The following CCR6 variants were observed in gnomAD, a reference collection of about 807,000 sequenced individuals.
CCR6 encodes the protein C-C chemokine receptor type 6.
Under a neutral mutation model 3.0 loss-of-function variants are expected in CCR6, and 2 were observed. The observed-to-expected ratio is 0.66, with a 90% CI of 0.27 to 2.07. CCR6 has a LOEUF of 2.07. Among genes scored for constraint, CCR6 ranks in the 30% most tolerant of loss-of-function variants. The pLI is 0.14. For synonymous variants in CCR6, 193 were observed against 184.3 expected (o/e 1.05, Z -0.38); for missense variants, 322 against 462.8 (o/e 0.70, Z 2.79).
intron 1 of CCR6, among the ~76,000 whole-genome samples, chr6:167,125,365 T>A (rs2345784): frequency 1 from 151,966 of 152,396 alleles, 75,770 homozygotes; most frequent in Middle Eastern, 1. Flanking sequence ...AAAGGGATGA[T>A]CAATGGCAGT....
Position 167,136,934 on chromosome 6 carries a change from C to T in CCR6, c.704C>T (p.Thr235Met), listed in dbSNP as rs1781858690. 8.7e-6 allele frequency: 14 copies of T among 1,614,046 alleles called. No homozygotes were observed. Among genetic ancestry groups the T allele is most frequent in the African/African-American group, 2.7e-5 (2 of 74,910 alleles). The part of the protein sequence containing the change: ...IPLMFMIFCY[T>M]FIVKTLVQAQ... The stretch of plus-strand genomic sequence containing the variant: ...TTGATGTTCATGATATTTTGTTACA[C>T]GTTCATTGTCAAAACCTTGGTGCAA... The change falls in exon 3 of 3, where the codon ACG becomes ATG. Residue 235 changes from threonine (T) to methionine (M), a missense_variant. Physicochemically the swap from Thr to Met is moderately conservative, Grantham distance 81. Transcript: ENST00000341935. This position sits in a 1 kb window ranked among gnomAD's most constrained non-coding sequence, Gnocchi z 4.6.
At chr6:167,130,944 C>A (rs1217803319) in intron 1 of CCR6, among the ~76,000 whole-genome samples, 2 of 150,014 alleles carry the variant, frequency 1.3e-5, no homozygotes, top group African/African-American at 2.4e-5. Flanking sequence ...CCTCTGGGCC[C>A]CCCTCCCTCC....
At chr6:167,127,155 T>A (rs1781679551) in intron 1 of CCR6, 1 of 152,290 alleles carries the variant, frequency 6.6e-6, no homozygotes, top group Non-Finnish European at 1.5e-5. Context: ...CTACCTTTTT[T>A]AAAGAGATGA....
chr6:167,119,702 A>G (rs1196322578), upstream of CCR6, among the ~76,000 whole-genome samples: 1 of 152,240 alleles, frequency 6.6e-6, no homozygotes, highest in African/African-American at 2.4e-5. Flanking sequence ...TTCCTCCTAT[A>G]AAATGTGTTT....
chr6:167,120,664 G>C (rs1382955250), upstream of CCR6, among the ~76,000 whole-genome samples: 1 of 152,214 alleles, frequency 6.6e-6, no homozygotes, highest in Non-Finnish European at 1.5e-5. Flanking sequence ...TTACCAAACT[G>C]TCCCTGGCTT....
At chr6:167,134,654 G>A (rs896463909) in intron 1 of CCR6, among the ~76,000 whole-genome samples, 2 of 152,196 alleles carry the variant, frequency 1.3e-5, no homozygotes, top group Non-Finnish European at 2.9e-5. Context: ...CAGTGTGGGG[G>A]CGAGGAGGGC....
chr6:167,124,275 A>T (rs532667336), intron 1 of CCR6, among the ~76,000 whole-genome samples: 3 of 152,026 alleles, frequency 2.0e-5, no homozygotes, highest in African/African-American at 4.8e-5. Flanking sequence ...GAAAAAAAAA[A>T]AAAACCAACC....
In CCR6 at chr6:167,136,340, C is replaced by G; in HGVS notation, c.110C>G (p.Ser37Cys). The change falls in exon 3 of 3, where the codon TCC (serine) becomes TGC (cysteine). Residue 37 changes from serine to cysteine, a missense_variant. Ser to Cys is a moderately radical substitution (Grantham distance 112, BLOSUM62 -1). Coordinates refer to ENST00000341935, the MANE Select transcript of CCR6 (RefSeq NM_031409.4). This position sits in a 1 kb window ranked among gnomAD's most constrained non-coding sequence, Gnocchi z 4.6. ...YSVDSEMLLC[S>C]LQEVRQFSRL... Reference sequence around the variant, plus strand: ...GTTGATTCTGAGATGTTACTGTGCTCCTTGCAGGAGGTCAGGCAGTTCTCC... The same window carrying G: ...GTTGATTCTGAGATGTTACTGTGCTGCTTGCAGGAGGTCAGGCAGTTCTCC... 6.2e-7 allele frequency: 1 copy of G among 1,614,132 alleles called. No individual in the cohort carries two copies. Among genetic ancestry groups the G allele is most frequent in the Non-Finnish European group, 8.5e-7 (1 of 1,180,014 alleles).
chr6:167,124,796 C>CGT (rs1479987335), intron 1 of CCR6, among the ~76,000 whole-genome samples: 16 of 101,220 alleles, frequency 1.6e-4, no homozygotes, highest in East Asian at 1.3e-3. Context: ...ACAGCATATG[C>CGT]GCGCACACAC....
chr6:167,117,578 G>A lies in CCR6; in HGVS notation c.-98+5564G>A, dbSNP rs367841987. Among the ~76,000 whole-genome samples the A allele has an allele frequency of 1.9e-3, 285 of 151,428 alleles. 2 individuals are homozygous for A. Among genetic ancestry groups the A allele is most frequent in the African/African-American group, 5.5e-3 (226 of 41,266 alleles). On this transcript the variant is annotated intron_variant, in intron 1 of 2. Transcript: ENST00000400926. ...ACTACAGGCGCGCGCCACCACGCCCGGCTAATTTTTGTATTTTTAGTAGAG... is the reference window on the plus strand; with the variant it reads ...ACTACAGGCGCGCGCCACCACGCCCAGCTAATTTTTGTATTTTTAGTAGAG...
chr6:167,119,474 CTATCTGAAAAAATGATTCG>C (rs1781553691), upstream of CCR6: 1 of 152,176 alleles, frequency 6.6e-6, no homozygotes, highest in African/African-American at 2.4e-5. Context: ...TACATAGTAA[CTATCTGAAAAAATGATTCG>C]TATCTGAAAA....
chr6:167,128,636 A>G (rs1452364506), intron 1 of CCR6, among the ~76,000 whole-genome samples: 1 of 152,192 alleles, frequency 6.6e-6, no homozygotes, highest in Non-Finnish European at 1.5e-5. Flanking sequence ...CAGTGGCACA[A>G]TCTCAGCTCT....
intron 1 of CCR6, among the ~76,000 whole-genome samples, chr6:167,128,540 T>G (rs1401833459): frequency 6.6e-6 from 1 of 152,208 alleles, no homozygotes; most frequent in African/African-American, 2.4e-5. Flanking sequence ...ACTTTCATCT[T>G]ATATCTGTGT....
rs1781860555 is a variant in CCR6, at chr6:167,137,046, G to A, written c.816G>A (p.Met272Ile). 1.2e-6 allele frequency: 2 copies of A among 1,614,154 alleles called. No individual in the cohort carries two copies. Among genetic ancestry groups the A allele is most frequent in the Middle Eastern group, 1.6e-4 (1 of 6,062 alleles). Reference sequence around the variant, plus strand: ...TGGCTTGTCAGATTCCTCATAACATGGTCCTGCTTGTGACGGCTGCAAATT... The same window carrying A: ...TGGCTTGTCAGATTCCTCATAACATAGTCCTGCTTGTGACGGCTGCAAATT... ...VFLACQIPHNMVLLVTAANLG... is the reference protein window; with the variant it reads ...VFLACQIPHNIVLLVTAANLG... The change falls in exon 3 of 3, where the codon ATG becomes ATA. Residue 272 changes from methionine to isoleucine, a missense_variant. By Grantham distance (10) the Met-to-Ile change is conservative (BLOSUM62 1). Coordinates refer to ENST00000341935, the MANE Select transcript of CCR6 (RefSeq NM_031409.4). This position sits in a 1 kb window ranked among gnomAD's most constrained non-coding sequence, Gnocchi z 4.6.
chr6:167,119,968 C>A (rs1218512526), upstream of CCR6, among the ~76,000 whole-genome samples: 1 of 152,162 alleles, frequency 6.6e-6, no homozygotes, highest in African/African-American at 2.4e-5. Flanking sequence ...TTGTAAAAAC[C>A]AACAAATGAC....
At position 167,130,997 on chromosome 6, in the gene CCR6, CCTTT is replaced by C. The variant is rs1293192049; in HGVS notation, c.-97-5040_-97-5037del. ...GACCACCCTCCCTCTGGACCCCCTCCCTTTGGGACCCCTCCTTCTGGGACCCCCA... is the reference window on the plus strand; with the variant it reads ...GACCACCCTCCCTCTGGACCCCCTCCGGGACCCCTCCTTCTGGGACCCCCA... On this transcript the variant is annotated intron_variant, in intron 1 of 2. Transcript: ENST00000341935. 3.3e-3 allele frequency among the ~76,000 whole-genome samples: 464 copies of C among 140,046 alleles called. 6 individuals carry two copies. The highest frequency in any genetic ancestry group is 7.1e-3 in the African/African-American group (270 of 37,796). The allele number at this position is 140,046 out of a possible 152,430, so 91.9% of individuals were successfully genotyped here. A position where few individuals can be genotyped will look rare whatever the true frequency, so the allele number is the denominator to read the frequency against.
intron 1 of CCR6, among the ~76,000 whole-genome samples, chr6:167,125,534 G>T (rs902009213): frequency 1.3e-5 from 2 of 152,192 alleles, no homozygotes; most frequent in African/African-American, 4.8e-5. Flanking sequence ...GGGGCCATTT[G>T]CCTGTGATTA....
chr6:167,131,732 C>G lies in CCR6; in HGVS notation c.-97-4306C>G, dbSNP rs867135562. 2.0e-5 allele frequency among the ~76,000 whole-genome samples: 3 copies of G among 152,328 alleles called. No homozygotes were observed. The South Asian group carries it at 6.2e-4, about 32-fold the overall frequency. Reference sequence around the variant, plus strand: ...CTTGCCCCAGAACCTCCCATTACCCCTCAGTGCTCAGCGGCAGATCCTTGC... The same window carrying G: ...CTTGCCCCAGAACCTCCCATTACCCGTCAGTGCTCAGCGGCAGATCCTTGC... On this transcript the variant is annotated intron_variant, in intron 1 of 2. Coordinates refer to ENST00000341935, the MANE Select transcript of CCR6 (RefSeq NM_031409.4).
intron 1 of CCR6, among the ~76,000 whole-genome samples, chr6:167,135,295 C>T (rs530845048): frequency 7.2e-5 from 11 of 152,246 alleles, no homozygotes; most frequent in Non-Finnish European, 1.3e-4. Context: ...ACTGTGCCAG[C>T]CTCCACCTTT....
Sources: gnomAD v4.1 joint callset for allele counts (sites outside exome capture counted in the v4.1 genomes callset) on GRCh38, gnomAD v4.1.1 for gene constraint, Gnocchi (gnomAD v3.1) non-coding constraint, MANE v1.5 for transcripts, NCBI Gene and HGNC (gene_info 2026-07-23, HGNC 2026-07-21) for gene names.